ATOSA: variants seen among roughly 807,000 people sequenced by gnomAD.
ATOSA encodes the protein atos homolog protein A.
chr15:52,704,640 G>A, the ATOSA span, among the ~76,000 whole-genome samples: 1 of 151,914 alleles, frequency 6.6e-6, no homozygotes, highest in African/African-American at 2.4e-5. Flanking sequence ...AATCTACAAA[G>A]AACTTAAACA....
the ATOSA span, among the ~76,000 whole-genome samples, chr15:52,671,521 T>C: frequency 1.3e-5 from 2 of 152,114 alleles, no homozygotes; most frequent in African/African-American, 2.4e-5. Flanking sequence ...CAGGTGTGAA[T>C]AAGAGACAAG....
the ATOSA span, chr15:52,648,573 G>T: frequency 6.6e-6 from 1 of 152,038 alleles, no homozygotes; most frequent in South Asian, 2.1e-4. Context: ...TCTTCTAACT[G>T]TATGTTTGTA....
the ATOSA span, among the ~76,000 whole-genome samples, chr15:52,638,698 C>CA: frequency 3.8e-3 from 384 of 100,800 alleles, 5 homozygotes; most frequent in East Asian, 0.014. Context: ...GAGACTCTGC[C>CA]AAAAAAAAAA....
the ATOSA span, chr15:52,608,534 G>T: frequency 6.6e-7 from 1 of 1,517,662 alleles, no homozygotes; most frequent in South Asian, 1.4e-5. Flanking sequence ...ACAAATATTT[G>T]AGACTTACAT....
At chr15:52,702,323 G>A in the ATOSA span, among the ~76,000 whole-genome samples, 1,792 of 152,150 alleles carry the variant, frequency 0.012, 35 homozygotes, top group African/African-American at 0.041. Flanking sequence ...GTTCATCATG[G>A]CACTATTCAC....
the ATOSA span, chr15:52,600,337 G>A: frequency 1.5e-6 from 1 of 658,304 alleles, no homozygotes; most frequent in Non-Finnish European, 2.6e-6. Flanking sequence ...GGAGTACAGT[G>A]GCACCATCAT....
At chr15:52,643,056 C>T in the ATOSA span, among the ~76,000 whole-genome samples, 3 of 152,290 alleles carry the variant, frequency 2.0e-5, no homozygotes, top group East Asian at 1.9e-4. Flanking sequence ...AGGGCCACCA[C>T]AAGATGCCCC....
the ATOSA span, among the ~76,000 whole-genome samples, chr15:52,661,931 C>CAAAAAAAAAAAAAAAAAAAAAAAAAAAA: frequency 1.4e-5 from 1 of 73,258 alleles, no homozygotes; most frequent in Admixed American, 1.9e-4. Context: ...CAAGCCAGGC[C>CAAAAAAAAAAAAAAAAAAAAAAAAAAAA]AAAAAAAAAA....
the ATOSA span, among the ~76,000 whole-genome samples, chr15:52,664,699 T>C: frequency 6.6e-6 from 1 of 152,086 alleles, no homozygotes; most frequent in Non-Finnish European, 1.5e-5. Flanking sequence ...TCTCAGCACT[T>C]GGGGAAGCTG....
At chr15:52,585,793 A>C in the ATOSA span, among the ~76,000 whole-genome samples, 1 of 152,230 alleles carries the variant, frequency 6.6e-6, no homozygotes, top group African/African-American at 2.4e-5. Flanking sequence ...AATTACCAAC[A>C]CATCAATAGG....
At chr15:52,598,148 C>T in the ATOSA span, among the ~76,000 whole-genome samples, 21 of 151,940 alleles carry the variant, frequency 1.4e-4, no homozygotes, top group Admixed American at 7.2e-4. Flanking sequence ...AACAAACAAA[C>T]AAAAATATAT....
the ATOSA span, among the ~76,000 whole-genome samples, chr15:52,653,577 G>A: frequency 1.3e-5 from 2 of 152,118 alleles, no homozygotes; most frequent in Non-Finnish European, 2.9e-5. Flanking sequence ...TTGGAGGTAG[G>A]CCAAGCTGTG....
chr15:52,671,021 A>G, the ATOSA span, among the ~76,000 whole-genome samples: 1 of 152,242 alleles, frequency 6.6e-6, no homozygotes, highest in South Asian at 2.1e-4. Flanking sequence ...ATTTGAACAT[A>G]CAGACATTCT....
chr15:52,633,046 C>A, the ATOSA span, among the ~76,000 whole-genome samples: 3 of 152,086 alleles, frequency 2.0e-5, no homozygotes, highest in African/African-American at 7.2e-5. Flanking sequence ...CAAGTACAGG[C>A]ATGTTACTTC....
chr15:52,657,873 A>G, the ATOSA span: 1 of 152,220 alleles, frequency 6.6e-6, no homozygotes, highest in Non-Finnish European at 1.5e-5. Context: ...AAAGTAGAAA[A>G]AAGAAAAAAT....
At chr15:52,700,712 T>C in the ATOSA span, among the ~76,000 whole-genome samples, 1,698 of 152,328 alleles carry the variant, frequency 0.011, 33 homozygotes, top group African/African-American at 0.04. Context: ...TTATTATTGT[T>C]TTTAAGTTGT....
chr15:52,594,765 C>T, the ATOSA span, among the ~76,000 whole-genome samples: 87,208 of 152,054 alleles, frequency 0.57, 28,608 homozygotes, highest in Non-Finnish European at 0.74. Flanking sequence ...CTCATAACCT[C>T]TCCTCTGAAT....
At chr15:52,591,668 C>T in the ATOSA span, among the ~76,000 whole-genome samples, 1 of 152,162 alleles carries the variant, frequency 6.6e-6, no homozygotes, top group Admixed American at 6.5e-5. Flanking sequence ...GCTATATTCT[C>T]ATATTGTAAG....
the ATOSA span, among the ~76,000 whole-genome samples, chr15:52,598,874 A>G: frequency 0.023 from 3,475 of 152,218 alleles, 142 homozygotes; most frequent in African/African-American, 0.08. Context: ...TCCTTGCAAC[A>G]GTAGGTTCTT....
Sources: allele counts gnomAD v4.1 joint callset (sites outside exome capture counted in the v4.1 genomes callset), GRCh38; gene constraint gnomAD v4.1.1; transcripts MANE v1.5; gene names NCBI Gene and HGNC (gene_info 2026-07-23, HGNC 2026-07-21).